GOSR2: variants seen among roughly 807,000 people sequenced by gnomAD.
GOSR2 encodes golgi SNAP receptor complex member 2.
In GOSR2, 20 loss-of-function variants were observed where a neutral mutation model predicts 27.9. The observed-to-expected ratio is 0.72, with a 90% confidence interval of 0.50 to 1.04. The LOEUF (loss-of-function observed/expected upper bound fraction) is 1.04, where lower values mean the gene tolerates loss of function less well. GOSR2 is among the 50% of genes least tolerant of loss of function. The pLI is 0.00. For missense variants in GOSR2, 261 were observed against 270.5 expected (o/e 0.97, Z 0.25); for synonymous variants, 91 against 98.8 (o/e 0.92, Z 0.47).
In GOSR2 at chr17:46,947,771, T is replaced by G. The variant is rs552128276; in HGVS notation, c.583+9067T>G. 2.4e-4 allele frequency among the ~76,000 whole-genome samples: 36 copies of G among 151,724 alleles called. No individual in the cohort carries two copies. The Middle Eastern group carries it at 0.01, about 43-fold the overall frequency. The stretch of plus-strand genomic sequence containing the variant: ...AGAGCTTGTCCGTCACTAGAAATAG[T>G]TTTTTTTTCTTTTTGAGATGGAGTT... On this transcript the variant is annotated intron_variant, in intron 6 of 6. Coordinates refer to the GOSR2 transcript ENST00000573224.
intron 2 of GOSR2, chr17:46,929,800 C>T (rs1002522306): frequency 7.4e-6 from 4 of 542,254 alleles, no homozygotes; most frequent in Non-Finnish European, 1.0e-5. Context: ...TACCCCTCCA[C>T]TCAACCTGAC....
At chr17:46,953,350 A>G (rs1362868530) in intron 6 of GOSR2, among the ~76,000 whole-genome samples, 3 of 152,182 alleles carry the variant, frequency 2.0e-5, no homozygotes, top group African/African-American at 7.2e-5. Context: ...TTCCAGCTTC[A>G]TCCATGTCCC....
At chr17:46,928,082 C>A (rs1386865695) in intron 1 of GOSR2, among the ~76,000 whole-genome samples, 1 of 152,074 alleles carries the variant, frequency 6.6e-6, no homozygotes, top group African/African-American at 2.4e-5. Flanking sequence ...CCTCCACACC[C>A]CCGCATCATC....
At chr17:46,942,735 G>A (rs114174248), downstream of GOSR2, among the ~76,000 whole-genome samples, 292 of 152,368 alleles carry the variant, frequency 1.9e-3, 1 homozygote, top group African/African-American at 6.6e-3. Flanking sequence ...TCTGTGGCTA[G>A]TGGGCCCTGA....
chr17:46,963,286 T>C (rs2091166226), intron 6 of GOSR2, among the ~76,000 whole-genome samples: 1 of 152,252 alleles, frequency 6.6e-6, no homozygotes, highest in Admixed American at 6.5e-5. Flanking sequence ...GGCTCACGCC[T>C]ATAATCCCAG....
intron 6 of GOSR2, among the ~76,000 whole-genome samples, chr17:46,961,036 AAAAC>A (rs1349772979): frequency 1.4e-4 from 22 of 152,244 alleles, no homozygotes; most frequent in African/African-American, 5.1e-4. Flanking sequence ...GAGTTTAAAA[AAAAC>A]AAGGTGGGAA....
At chr17:46,960,930 A>G (rs767281346) in intron 6 of GOSR2, among the ~76,000 whole-genome samples, 92 of 152,214 alleles carry the variant, frequency 6.0e-4, no homozygotes, top group Non-Finnish European at 1.8e-4. Flanking sequence ...AACTCTAAGT[A>G]TTTGTCAAAA....
chr17:46,948,584 G>A (rs1208502659), intron 6 of GOSR2: 2 of 152,220 alleles, frequency 1.3e-5, no homozygotes, highest in African/African-American at 2.4e-5. Flanking sequence ...TCCTCGTAGG[G>A]GAAATGGGAA....
intron 5 of GOSR2, chr17:46,936,632 T>C: frequency 1.0e-6 from 1 of 985,336 alleles, no homozygotes; most frequent in South Asian, 4.7e-5. Flanking sequence ...AATTTGTGGC[T>C]GAAAATGAAT....
At chr17:46,949,033 A>G (rs912007257) in intron 6 of GOSR2, 1 of 152,240 alleles carries the variant, frequency 6.6e-6, no homozygotes, top group Non-Finnish European at 1.5e-5. Context: ...ACTGCTGTGT[A>G]ACAAATCACC....
chr17:46,923,165 C>T lies in GOSR2; in HGVS notation c.-28C>T, dbSNP rs1325967792. The T allele has an allele frequency of 1.2e-5, 18 of 1,464,960 alleles. No individual in the cohort carries two copies. The highest frequency in any genetic ancestry group is 2.4e-5 in the South Asian group (2 of 82,376). 90.7% of individuals were successfully genotyped at this position (1,464,960 alleles called of 1,614,324 possible). ...GGACGTGTTCCGAGGAAGCCAGAGC[C>T]GGAGCCGTGGCCTGCGGGGCCGGCG... On this transcript the variant is annotated 5_prime_UTR_variant, in exon 1 of 6. Transcript: ENST00000640051.
At chr17:46,942,029 C>CA, downstream of GOSR2, 1 of 868,238 alleles carries the variant, frequency 1.2e-6, no homozygotes, top group Non-Finnish European at 1.4e-6. Flanking sequence ...TACCTTAGTC[C>CA]AAAAAAGATT....
chr17:46,954,870 T>G (rs1331469969), intron 6 of GOSR2, among the ~76,000 whole-genome samples: 3 of 152,372 alleles, frequency 2.0e-5, no homozygotes, highest in Non-Finnish European at 4.4e-5. Flanking sequence ...ATTGATTTTG[T>G]ATCCTGAGAC....
chr17:46,967,179 A>G (rs1309089859), downstream of GOSR2, among the ~76,000 whole-genome samples: 1 of 152,252 alleles, frequency 6.6e-6, no homozygotes, highest in Non-Finnish European at 1.5e-5. Context: ...GGCATGTGCC[A>G]TGCACTGTGG....
intron 6 of GOSR2, chr17:46,973,121 G>A (rs1273468151): frequency 6.5e-6 from 1 of 153,108 alleles, no homozygotes; most frequent in Non-Finnish European, 1.5e-5. Context: ...GTGTGCATGT[G>A]TGCAACCCAC....
downstream of GOSR2, among the ~76,000 whole-genome samples, chr17:46,970,163 C>G (rs1294599523): frequency 6.6e-6 from 1 of 152,144 alleles, no homozygotes; most frequent in Non-Finnish European, 1.5e-5. Flanking sequence ...GGTTCCATCC[C>G]ACGGCTGTCC....
At chr17:46,923,292 A>G (rs2085971485) in intron 1 of GOSR2, 71 bp downstream of exon 1, 1 of 1,548,872 alleles carries the variant, frequency 6.5e-7, no homozygotes, top group Non-Finnish European at 8.7e-7. Context: ...TCTGGGGCTG[A>G]GGCCTCGGAC....
Position 46,935,320 on chromosome 17 carries a change from GGAGTT to G in GOSR2, c.477+157_477+161del, listed in dbSNP as rs1175433599. ...CCTTGAGTTTGGGATCCTTTCTGTTGGAGTTGAGTTATTGTGAGCCTGAAAGTACC... is the reference window on the plus strand; with the variant it reads ...CCTTGAGTTTGGGATCCTTTCTGTTGGAGTTATTGTGAGCCTGAAAGTACC... On this transcript the variant is annotated intron_variant, in intron 5 of 5. Coordinates refer to ENST00000640051, the MANE Select transcript of GOSR2 (RefSeq NM_004287.5). 2.6e-6 allele frequency: 4 copies of G among 1,515,258 alleles called. No individual in the cohort carries two copies. In the African/African-American group the frequency reaches 4.2e-5, roughly 16 times the overall value. The allele number at this position is 1,515,258 out of a possible 1,614,324, so 93.9% of individuals were successfully genotyped here.
At chr17:46,968,960 A>G (rs1282906293), downstream of GOSR2, 1 of 152,536 alleles carries the variant, frequency 6.6e-6, no homozygotes, top group African/African-American at 2.4e-5. Context: ...GATTGTTCTA[A>G]TGGGTCCTAC....
Sources: allele counts gnomAD v4.1 joint callset (sites outside exome capture counted in the v4.1 genomes callset), GRCh38; gene constraint gnomAD v4.1.1; transcripts MANE v1.5; gene names NCBI Gene and HGNC (gene_info 2026-07-23, HGNC 2026-07-21).